The following CATSPER3 variants were observed in gnomAD, a reference collection of about 807,000 sequenced individuals.
The protein encoded by CATSPER3 is cation channel sperm associated 3.
CATSPER3 carries 23 observed loss-of-function variants against 36.6 expected under a neutral mutation model. The observed-to-expected ratio is 0.63, with a 90% CI of 0.45 to 0.89. The LOEUF (loss-of-function observed/expected upper bound fraction) is 0.89, where lower values mean the gene tolerates loss of function less well. Ranked by LOEUF, CATSPER3 falls within the 40% of genes least tolerant of loss-of-function variation. The probability of loss-of-function intolerance (pLI) is 0.00; values close to 1 mark genes in which losing one functional copy is unlikely to be tolerated. For missense variants in CATSPER3, 474 were observed against 503.9 expected, an observed-to-expected ratio of 0.94 and a Z score of 0.57; for synonymous variants, 172 against 184.1, an observed-to-expected ratio of 0.93 and a Z score of 0.53.
chr5:135,007,892 C>T, intron 3 of CATSPER3, 65 bp from the exon 4 acceptor site: 12 of 1,255,970 alleles, frequency 9.6e-6, no homozygotes, highest in South Asian at 2.3e-5. Flanking sequence ...CAGAATGGAC[C>T]TCTGTCCCTG....
chr5:135,001,338 G>A (rs996142832), intron 3 of CATSPER3, among the ~76,000 whole-genome samples: 2 of 152,292 alleles, frequency 1.3e-5, no homozygotes, highest in African/African-American at 4.8e-5. Context: ...TTTTACATTT[G>A]CTGAGGAGTG....
intron 2 of CATSPER3, among the ~76,000 whole-genome samples, chr5:134,986,496 C>G (rs1464740160): frequency 1.8e-5 from 2 of 110,642 alleles, no homozygotes; most frequent in African/African-American, 3.7e-5. Flanking sequence ...AAGTCTTGCT[C>G]TGTCTCCCAG....
chr5:135,007,809 C>G lies in CATSPER3; in HGVS notation c.493-148C>G. 2 of 128,888 alleles carry G rather than the reference C, an allele frequency of 1.6e-5. 1 individual carries two copies. The highest frequency in any genetic ancestry group is 3.2e-5 in the Non-Finnish European group (2 of 61,662). The allele number at this position is 128,888 out of a possible 1,614,324, so 8.0% of individuals were successfully genotyped here. A position where few individuals can be genotyped will look rare whatever the true frequency, so the allele number is the denominator to read the frequency against. On this transcript the variant is annotated intron_variant, in intron 3 of 7. Transcript: ENST00000282611. ...TTTATTCAACCAACCAACCAACCCA[C>G]CCACCCACCCTTATTGAGCATCTAC...
At chr5:135,006,857 T>A (rs868085355) in intron 3 of CATSPER3, among the ~76,000 whole-genome samples, 2,056 of 133,914 alleles carry the variant, frequency 0.015, 46 homozygotes, top group African/African-American at 0.056. Flanking sequence ...AAAATAATAA[T>A]AATAATAATA....
chr5:134,978,622 A>G (rs905933889), intron 2 of CATSPER3, among the ~76,000 whole-genome samples: 1 of 152,222 alleles, frequency 6.6e-6, no homozygotes, highest in African/African-American at 2.4e-5. Flanking sequence ...ATGCAATAAA[A>G]CAAGAAAAAG....
intron 7 of CATSPER3, 136 bp downstream of exon 7, chr5:135,010,666 G>C: frequency 2.5e-6 from 2 of 800,188 alleles, no homozygotes; most frequent in Non-Finnish European, 4.3e-6. Context: ...GGCTTTCTTG[G>C]GGTTACAGGA....
intron 2 of CATSPER3, among the ~76,000 whole-genome samples, chr5:134,975,941 G>A (rs974543992): frequency 2.0e-5 from 3 of 152,136 alleles, no homozygotes; most frequent in African/African-American, 4.8e-5. Flanking sequence ...CTATTCATAT[G>A]TAACAAAGGA....
intron 2 of CATSPER3, among the ~76,000 whole-genome samples, chr5:134,986,967 AAAAG>A (rs2149548609): frequency 6.6e-6 from 1 of 152,344 alleles, no homozygotes; most frequent in East Asian, 1.9e-4. Context: ...AGGAACGAGA[AAAAG>A]AAGAGCAGAT....
At chr5:135,002,832 G>A (rs1242353403) in intron 3 of CATSPER3, among the ~76,000 whole-genome samples, 1 of 152,048 alleles carries the variant, frequency 6.6e-6, no homozygotes, top group Non-Finnish European at 1.5e-5. Context: ...CTCTACACTG[G>A]TTATTCTAGT....
In CATSPER3 at chr5:135,010,283, C is replaced by G. The variant is rs1218349234; in HGVS notation, c.937-90C>G. ...TCCAGGACCAGGGTCAGGCCGCTGC[C>G]TGGGGCCCATCCTGGAGAGTCTCCA... On this transcript the variant is annotated intron_variant, in intron 6 of 7. Coordinates refer to ENST00000282611, the MANE Select transcript of CATSPER3 (RefSeq NM_178019.3). 18 of 1,178,038 alleles carry G rather than the reference C, an allele frequency of 1.5e-5. No homozygotes were observed. The Admixed American group carries it at 2.5e-4, about 17-fold the overall frequency. The allele number at this position is 1,178,038 out of a possible 1,614,324, so 73.0% of individuals were successfully genotyped here. A position where few individuals can be genotyped will look rare whatever the true frequency, so the allele number is the denominator to read the frequency against.
chr5:134,989,160 AT>A (rs1485708812), intron 2 of CATSPER3, among the ~76,000 whole-genome samples: 2 of 152,176 alleles, frequency 1.3e-5, no homozygotes, highest in Non-Finnish European at 2.9e-5. Flanking sequence ...GTAAACCGAT[AT>A]GCTGTCATCC....
chr5:134,998,510 G>C (rs1561462886), intron 3 of CATSPER3, among the ~76,000 whole-genome samples: 1 of 152,162 alleles, frequency 6.6e-6, no homozygotes, highest in East Asian at 1.9e-4. Flanking sequence ...CTTCCACAAT[G>C]GTTGAACTAG....
At chr5:135,007,242 C>G (rs1372284158) in intron 3 of CATSPER3, among the ~76,000 whole-genome samples, 1 of 152,146 alleles carries the variant, frequency 6.6e-6, no homozygotes, top group Non-Finnish European at 1.5e-5. Flanking sequence ...TCTGACGGCT[C>G]ATTTTGAAGT....
chr5:134,995,275 C>A (rs1365728255), intron 2 of CATSPER3, among the ~76,000 whole-genome samples: 1 of 152,226 alleles, frequency 6.6e-6, no homozygotes, highest in East Asian at 1.9e-4. Flanking sequence ...TAACCAACCT[C>A]TCTTCATCCC....
intron 3 of CATSPER3, among the ~76,000 whole-genome samples, chr5:134,999,242 C>T (rs1194168285): frequency 3.9e-5 from 6 of 152,104 alleles, no homozygotes; most frequent in Admixed American, 2.6e-4. Context: ...GGTATTATTT[C>T]TGAGGGCTCT....
Position 135,009,265 on chromosome 5 carries a change from C to G in CATSPER3, c.817-106C>G, listed in dbSNP as rs1752145863. ...GGCTGGCCCTGTGTGGGGAAAAGTGCTCCTGCTGAGGGCCTGAGCAGCGGT... is the reference window on the plus strand; with the variant it reads ...GGCTGGCCCTGTGTGGGGAAAAGTGGTCCTGCTGAGGGCCTGAGCAGCGGT... On this transcript the variant is annotated intron_variant, in intron 5 of 7. Transcript: ENST00000282611. 19 of 1,239,262 alleles carry G rather than the reference C, an allele frequency of 1.5e-5. No individual in the cohort carries two copies. In the East Asian group the frequency reaches 4.2e-4, roughly 27 times the overall value. 76.8% of individuals were successfully genotyped at this position (1,239,262 alleles called of 1,614,324 possible). A position where few individuals can be genotyped will look rare whatever the true frequency, so the allele number is the denominator to read the frequency against.
chr5:134,969,747 C>G, intron 1 of CATSPER3, 192 bp from the exon 2 acceptor site: 2 of 635,920 alleles, frequency 3.1e-6, no homozygotes, highest in Non-Finnish European at 5.6e-6. Context: ...TGAGTGAGGA[C>G]AGAGTATCCA....
chr5:134,984,959 C>T (rs1751791822), intron 2 of CATSPER3, among the ~76,000 whole-genome samples: 1 of 152,156 alleles, frequency 6.6e-6, no homozygotes, highest in African/African-American at 2.4e-5. Flanking sequence ...GCTGTGATTA[C>T]AGGCATACGC....
intron 3 of CATSPER3, among the ~76,000 whole-genome samples, chr5:134,999,993 CA>C (rs1751999535): frequency 6.6e-6 from 1 of 152,162 alleles, no homozygotes; most frequent in South Asian, 2.1e-4. Context: ...TGCCAGTTTT[CA>C]AAGGGAATGC....
Sources: allele counts gnomAD v4.1 joint callset (sites outside exome capture counted in the v4.1 genomes callset), GRCh38; gene constraint gnomAD v4.1.1; transcripts MANE v1.5; gene names NCBI Gene and HGNC (gene_info 2026-07-23, HGNC 2026-07-21).